Variants in CLVS1 observed in about 807,000 individuals in gnomAD.
CLVS1 encodes clavesin-1.
CLVS1 carries 10 observed loss-of-function variants against 33.1 expected under a neutral mutation model. The observed-to-expected ratio is 0.30, with a 90% confidence interval of 0.19 to 0.51. The LOEUF is 0.51. CLVS1 is among the 20% of genes least tolerant of loss of function. The pLI is 0.97. For missense variants in CLVS1, 343 were observed against 433.4 expected, an observed-to-expected ratio of 0.79 and a Z score of 1.85; for synonymous variants, 163 against 166.1, an observed-to-expected ratio of 0.98 and a Z score of 0.14.
At chr8:61,293,548 TAAAAAG>T (rs1425945625) in intron 1 of CLVS1, among the ~76,000 whole-genome samples, 1 of 152,168 alleles carries the variant, frequency 6.6e-6, no homozygotes, top group Non-Finnish European at 1.5e-5. Context: ...GAGTTACACT[TAAAAAG>T]AAATATTTTT....
intron 5 of CLVS1, among the ~76,000 whole-genome samples, chr8:61,486,931 G>A (rs1237235741): frequency 6.6e-6 from 1 of 152,102 alleles, no homozygotes; most frequent in East Asian, 1.9e-4. Flanking sequence ...TGCTAATAAG[G>A]GATTGAGAAA....
At chr8:61,473,376 T>G (rs1013748212) in intron 5 of CLVS1, among the ~76,000 whole-genome samples, 6 of 142,722 alleles carry the variant, frequency 4.2e-5, no homozygotes, top group African/African-American at 1.6e-4. Flanking sequence ...ACCAGAAACA[T>G]TGGAGAGCAG....
chr8:61,427,893 C>T (rs1815953291), intron 3 of CLVS1, among the ~76,000 whole-genome samples: 2 of 152,240 alleles, frequency 1.3e-5, no homozygotes, highest in South Asian at 4.1e-4. Context: ...AGGCCTCCTT[C>T]TCCGGAGAGC....
At chr8:61,482,401 C>A (rs1358755807) in intron 5 of CLVS1, among the ~76,000 whole-genome samples, 3 of 152,210 alleles carry the variant, frequency 2.0e-5, no homozygotes, top group Non-Finnish European at 4.4e-5. Context: ...TAATAACAAA[C>A]TTCTCCGAGC....
Position 61,303,809 on chromosome 8 carries a change from G to A in CLVS1, c.455+3527G>A, listed in dbSNP as rs116265521. Among the ~76,000 whole-genome samples the A allele has an allele frequency of 9.7e-3, 1,471 of 152,232 alleles. 30 individuals are homozygous for A. The highest frequency in any genetic ancestry group is 0.034 in the African/African-American group (1,409 of 41,536). On this transcript the variant is annotated intron_variant, in intron 2 of 5. Coordinates refer to ENST00000325897, the MANE Select transcript of CLVS1 (RefSeq NM_173519.3). The stretch of plus-strand genomic sequence containing the variant: ...GGTTGGGAGGATTGAATGACATAAC[G>A]CACTGAAAAAACACAGCTTGTTGTT...
At chr8:61,441,117 CCA>C (rs1253614772) in intron 3 of CLVS1, among the ~76,000 whole-genome samples, 29 of 152,228 alleles carry the variant, frequency 1.9e-4, no homozygotes, top group African/African-American at 6.7e-4. Flanking sequence ...TCGATGAAAC[CCA>C]CTTATGCTGC....
intron 2 of CLVS1, among the ~76,000 whole-genome samples, chr8:61,354,424 C>G (rs910702292): frequency 6.6e-6 from 1 of 151,508 alleles, no homozygotes; most frequent in African/African-American, 2.4e-5. Context: ...CTTTAAAAAA[C>G]TGAAAAAAAA....
chr8:61,274,685 A>C (rs1340822660), intron 2 of CLVS1, among the ~76,000 whole-genome samples: 1 of 152,214 alleles, frequency 6.6e-6, no homozygotes, highest in Non-Finnish European at 1.5e-5. Context: ...CATCATGGCA[A>C]AGGAGCACAC....
intron 1 of CLVS1, among the ~76,000 whole-genome samples, chr8:61,100,391 A>C (rs1021555954): frequency 6.6e-6 from 1 of 152,214 alleles, no homozygotes. Context: ...TAGAAATTAC[A>C]TTAGAACTTC....
the CLVS1 span, among the ~76,000 whole-genome samples, chr8:61,009,824 T>C: frequency 2.0e-5 from 3 of 152,216 alleles, no homozygotes; most frequent in Non-Finnish European, 4.4e-5. Flanking sequence ...TTTAAGTTTC[T>C]GAAATCAAAC....
At chr8:61,441,192 T>C (rs1816529404) in intron 3 of CLVS1, among the ~76,000 whole-genome samples, 1 of 152,196 alleles carries the variant, frequency 6.6e-6, no homozygotes, top group South Asian at 2.1e-4. Context: ...AGGGCATGCA[T>C]GAACTGAATA....
At chr8:61,345,351 A>C (rs938949913) in intron 2 of CLVS1, among the ~76,000 whole-genome samples, 1 of 152,176 alleles carries the variant, frequency 6.6e-6, no homozygotes, top group African/African-American at 2.4e-5. Context: ...TTTCATTCTC[A>C]AAGCAAAGGC....
intron 2 of CLVS1, among the ~76,000 whole-genome samples, chr8:61,208,090 C>T (rs1381439265): frequency 6.6e-6 from 1 of 151,226 alleles, no homozygotes; most frequent in African/African-American, 2.4e-5. Flanking sequence ...GAGTCTTGGT[C>T]TTACAATGGA....
intron 1 of CLVS1, among the ~76,000 whole-genome samples, chr8:61,130,415 T>C (rs979243774): frequency 6.6e-6 from 1 of 152,120 alleles, no homozygotes; most frequent in African/African-American, 2.4e-5. Context: ...ATGCCAAGCA[T>C]TTTATGGACA....
chr8:61,319,656 C>T (rs1391701138), intron 2 of CLVS1, among the ~76,000 whole-genome samples: 2 of 152,066 alleles, frequency 1.3e-5, no homozygotes, highest in Non-Finnish European at 2.9e-5. Flanking sequence ...ATTTGTGACT[C>T]CTGGAGATTT....
intron 2 of CLVS1, among the ~76,000 whole-genome samples, chr8:61,222,456 G>A (rs981101664): frequency 1.3e-5 from 2 of 152,076 alleles, no homozygotes; most frequent in Admixed American, 6.6e-5. Flanking sequence ...TTTTATTCAG[G>A]AGCAGGTTGT....
At chr8:61,083,832 T>A (rs914005503) in intron 1 of CLVS1, among the ~76,000 whole-genome samples, 1 of 152,076 alleles carries the variant, frequency 6.6e-6, no homozygotes, top group Non-Finnish European at 1.5e-5. Context: ...GTTGAAGAAA[T>A]TTATGAGTCT....
At chr8:61,145,386 C>T (rs1806395155) in intron 2 of CLVS1, among the ~76,000 whole-genome samples, 1 of 152,176 alleles carries the variant, frequency 6.6e-6, no homozygotes, top group African/African-American at 2.4e-5. Context: ...GAAATAAAAA[C>T]GTTGGGGTTG....
chr8:60,991,610 T>TTGAGCTC, the CLVS1 span, among the ~76,000 whole-genome samples: 13 of 152,326 alleles, frequency 8.5e-5, no homozygotes, highest in African/African-American at 2.9e-4. Context: ...CTGTCAGCCC[T>TTGAGCTC]TGAGCTCTGA....
Sources: allele counts gnomAD v4.1 joint callset (sites outside exome capture counted in the v4.1 genomes callset), GRCh38; gene constraint gnomAD v4.1.1; transcripts MANE v1.5; gene names NCBI Gene and HGNC (gene_info 2026-07-23, HGNC 2026-07-21).